CALN1: variants seen among roughly 807,000 people sequenced by gnomAD.
The protein encoded by CALN1 is calcium-binding protein 8.
A neutral mutation model predicts 30.6 loss-of-function variants in CALN1; 17 were observed. That is an observed-to-expected ratio of 0.56 (90% confidence interval 0.38 to 0.83). CALN1 has a LOEUF of 0.83. CALN1 is among the 40% of genes least tolerant of loss of function. CALN1 has a pLI of 0.00. For synonymous variants in CALN1, 156 were observed against 131.4 expected (o/e 1.19, Z -1.28); for missense variants, 291 against 354.9 (o/e 0.82, Z 1.45).
intron 5 of CALN1, among the ~76,000 whole-genome samples, chr7:71,961,071 C>T (rs1159292876): frequency 6.6e-6 from 1 of 152,186 alleles, no homozygotes; most frequent in East Asian, 1.9e-4. Context: ...TTTGCCTTGG[C>T]CTCCCAAAGT....
intron 3 of CALN1, among the ~76,000 whole-genome samples, chr7:72,188,172 C>T (rs1214337721): frequency 6.6e-6 from 1 of 151,690 alleles, no homozygotes; most frequent in Non-Finnish European, 1.5e-5. Flanking sequence ...TACTGGCACA[C>T]GCATGTTTAC....
At chr7:71,881,480 C>A (rs975879124) in intron 5 of CALN1, among the ~76,000 whole-genome samples, 2 of 152,226 alleles carry the variant, frequency 1.3e-5, no homozygotes, top group Non-Finnish European at 2.9e-5. Context: ...ATTGTCCCAT[C>A]ATCACTTCTC....
intron 2 of CALN1, among the ~76,000 whole-genome samples, chr7:72,323,599 G>C (rs1340679039): frequency 2.7e-5 from 4 of 150,854 alleles, no homozygotes; most frequent in African/African-American, 9.8e-5. Context: ...GGAGGCAGAG[G>C]TTGCAGTGAG....
chr7:72,267,036 C>T (rs1458438656), intron 3 of CALN1, among the ~76,000 whole-genome samples: 1 of 152,116 alleles, frequency 6.6e-6, no homozygotes, highest in Non-Finnish European at 1.5e-5. Context: ...TCATTCATTG[C>T]GTAGGTTTTA....
chr7:72,096,042 AAGATAGATAGAT>A lies in CALN1; in HGVS notation c.388+10097_388+10108del, dbSNP rs10664390. ...CAACAGAGCGAGACCTTGTCTCTAA[AAGATAGATAGAT>A]AGATAGATAGATAGATAGATAGATA... On this transcript the variant is annotated intron_variant, in intron 4 of 6. Transcript: ENST00000395275. Among the ~76,000 whole-genome samples, 350 of 143,192 alleles carry A rather than the reference AAGATAGATAGAT, an allele frequency of 2.4e-3. 2 individuals are homozygous for A. The highest frequency in any genetic ancestry group is 3.3e-3 in the South Asian group (14 of 4,220). The allele number at this position is 143,192 out of a possible 152,430, so 93.9% of individuals were successfully genotyped here. A position where few individuals can be genotyped will look rare whatever the true frequency, so the allele number is the denominator to read the frequency against.
intron 3 of CALN1, among the ~76,000 whole-genome samples, chr7:72,126,672 T>G (rs1024757981): frequency 4.6e-4 from 70 of 152,088 alleles, no homozygotes; most frequent in Admixed American, 4.6e-3. Flanking sequence ...TGCATCCTCA[T>G]AGCTTAGCTC....
At chr7:72,334,384 G>C (rs112062554) in intron 2 of CALN1, among the ~76,000 whole-genome samples, 1 of 152,158 alleles carries the variant, frequency 6.6e-6, no homozygotes, top group Non-Finnish European at 1.5e-5. Flanking sequence ...ACCCTCAAGA[G>C]ACCAGTTTCT....
chr7:72,215,581 G>A (rs1245176082), intron 3 of CALN1, among the ~76,000 whole-genome samples: 51 of 112,750 alleles, frequency 4.5e-4, no homozygotes, highest in Middle Eastern at 0.012. Context: ...TGACAAGAGC[G>A]AAACTCCTGC....
intron 5 of CALN1, among the ~76,000 whole-genome samples, chr7:71,999,108 T>G (rs1472028300): frequency 6.6e-6 from 1 of 152,096 alleles, no homozygotes; most frequent in African/African-American, 2.4e-5. Flanking sequence ...GACTTCAAAT[T>G]CAACAACATA....
intron 3 of CALN1, among the ~76,000 whole-genome samples, chr7:72,192,052 G>A (rs955563576): frequency 5.8e-4 from 89 of 152,210 alleles, no homozygotes; most frequent in African/African-American, 1.9e-3. Flanking sequence ...ATTTCTTGGC[G>A]TACGGCCCCT....
Position 72,016,495 on chromosome 7 carries a change from G to T in CALN1, c.501+7162C>A, listed in dbSNP as rs1006051617. Among the ~76,000 whole-genome samples, 5 of 151,596 alleles carry T rather than the reference G, an allele frequency of 3.3e-5. No individual in the cohort carries two copies. The East Asian group carries it at 7.8e-4, about 24-fold the overall frequency. On this transcript the variant is annotated intron_variant, in intron 5 of 6. Transcript: ENST00000395275. ...TCTGTTGACCAGGCAAGAGTGCAGT[G>T]GCATGATTATAGCTCACTGCAGCCT...
At chr7:72,350,625 T>C (rs764638777) in intron 2 of CALN1, among the ~76,000 whole-genome samples, 6 of 152,038 alleles carry the variant, frequency 3.9e-5, no homozygotes, top group Non-Finnish European at 8.8e-5. Flanking sequence ...CCAGGGCCTA[T>C]TTGAGGGTGG....
At chr7:72,433,802 C>T (rs774697164) in intron 1 of CALN1, among the ~76,000 whole-genome samples, 4 of 152,092 alleles carry the variant, frequency 2.6e-5, no homozygotes, top group South Asian at 4.1e-4. Flanking sequence ...CAGTGGATCA[C>T]GACTGCAATC....
At chr7:72,474,436 G>A in the CALN1 span, among the ~76,000 whole-genome samples, 54 of 152,040 alleles carry the variant, frequency 3.6e-4, no homozygotes, top group Middle Eastern at 6.8e-3. Context: ...CTGTAATCCC[G>A]GCACTTTGGG....
At chr7:71,954,917 C>T (rs112694074) in intron 5 of CALN1, among the ~76,000 whole-genome samples, 1,667 of 151,864 alleles carry the variant, frequency 0.011, 30 homozygotes, top group African/African-American at 0.038. Context: ...GACTATTATT[C>T]TTCTTATTTA....
At chr7:72,246,979 C>A (rs1414201936) in intron 3 of CALN1, among the ~76,000 whole-genome samples, 2 of 152,042 alleles carry the variant, frequency 1.3e-5, no homozygotes, top group Non-Finnish European at 2.9e-5. Context: ...GTCTCGAACT[C>A]CCGACCTCAG....
At chr7:71,790,236 TGAAA>T (rs1277823818) in intron 6 of CALN1, among the ~76,000 whole-genome samples, 1 of 97,310 alleles carries the variant, frequency 1.0e-5, no homozygotes, top group African/African-American at 4.0e-5. Context: ...AAAGAAAGAA[TGAAA>T]GAAAGGAAGG....
intron 4 of CALN1, among the ~76,000 whole-genome samples, chr7:72,035,022 T>C (rs944008419): frequency 3.3e-5 from 5 of 152,070 alleles, no homozygotes; most frequent in African/African-American, 7.2e-5. Context: ...AAACTAATAA[T>C]AGCAATTTAT....
At chr7:71,862,677 T>C (rs551055845) in intron 5 of CALN1, among the ~76,000 whole-genome samples, 2 of 152,348 alleles carry the variant, frequency 1.3e-5, no homozygotes, top group African/African-American at 4.8e-5. Flanking sequence ...TTGTAATTGC[T>C]AGGAAGATTC....
Sources: gnomAD v4.1 joint callset for allele counts (sites outside exome capture counted in the v4.1 genomes callset) on GRCh38, gnomAD v4.1.1 for gene constraint, MANE v1.5 for transcripts, NCBI Gene and HGNC (gene_info 2026-07-23, HGNC 2026-07-21) for gene names.